The following TMEM165 variants were observed in gnomAD, a reference collection of about 807,000 sequenced individuals.
TMEM165 encodes transmembrane protein 165, also known as putative divalent cation/proton antiporter TMEM165.
TMEM165 carries 19 observed loss-of-function variants against 30.0 expected under a neutral mutation model. The ratio of observed to expected loss-of-function variants is 0.63; its 90% CI spans 0.44 to 0.93. TMEM165 has a LOEUF of 0.93. Among genes scored for constraint, TMEM165 ranks in the 40% least tolerant of loss-of-function variants. The probability of loss-of-function intolerance (pLI) is 0.00; values close to 1 mark genes in which losing one functional copy is unlikely to be tolerated. For synonymous variants in TMEM165, 168 were observed against 162.9 expected (o/e 1.03, Z -0.24); for missense variants, 340 against 417.0 (o/e 0.82, Z 1.61).
At position 55,396,049 on chromosome 4, in the gene TMEM165, T is replaced by G; in HGVS notation, c.-141T>G. The stretch of plus-strand genomic sequence containing the variant: ...TCACCTCACTCCCGCTGCTTGCACC[T>G]CCCGGATGGTGCTGACTGCTCCCTA... On this transcript the variant is annotated 5_prime_UTR_variant, in exon 1 of 6. Coordinates refer to ENST00000381334, the MANE Select transcript of TMEM165 (RefSeq NM_018475.5). The G allele has an allele frequency of 1.7e-6, 1 of 596,258 alleles. No individual in the cohort carries two copies. Among genetic ancestry groups the G allele is most frequent in the Non-Finnish European group, 2.5e-6 (1 of 403,694 alleles). The allele number at this position is 596,258 out of a possible 1,614,324, so 36.9% of individuals were successfully genotyped here.
At chr4:55,416,777 C>G (rs376714761) in intron 2 of TMEM165, 1 of 214,996 alleles carries the variant, frequency 4.7e-6, no homozygotes, top group African/African-American at 2.3e-5. Flanking sequence ...CAGCCTCTGA[C>G]TGAACATGCC....
intron 3 of TMEM165, chr4:55,449,483 C>T (rs1219587099): frequency 6.2e-7 from 1 of 1,613,946 alleles, no homozygotes; most frequent in South Asian, 1.1e-5. Flanking sequence ...CCGTCGGGAT[C>T]TTGGTTGGTG....
chr4:55,397,910 A>T (rs1578225116), intron 1 of TMEM165, among the ~76,000 whole-genome samples: 3 of 147,970 alleles, frequency 2.0e-5, no homozygotes, highest in Admixed American at 6.7e-5. Context: ...ATTTTTGTTT[A>T]TTTTTTTTTT....
intron 1 of TMEM165, chr4:55,399,019 G>A (rs1720846673): frequency 6.6e-6 from 1 of 152,068 alleles, no homozygotes; most frequent in Admixed American, 6.6e-5. Context: ...ACCATTATTG[G>A]ATTGGTGTTG....
At chr4:55,402,435 T>A (rs28709442) in intron 1 of TMEM165, among the ~76,000 whole-genome samples, 123 of 25,512 alleles carry the variant, frequency 4.8e-3, no homozygotes, top group Middle Eastern at 0.045. Flanking sequence ...ATATATATAT[T>A]TTTTTTTTTT....
chr4:55,398,874 A>G (rs1218925241), intron 1 of TMEM165: 2 of 83,652 alleles, frequency 2.4e-5, no homozygotes, highest in African/African-American at 3.3e-5. Flanking sequence ...CTCAACCAGG[A>G]AAAAAAAAAA....
chr4:55,448,601 C>CGCGCGTACGCGCGCGCGCGTGTGTGT (rs764071880), intron 3 of TMEM165, among the ~76,000 whole-genome samples: 1 of 116,980 alleles, frequency 8.5e-6, no homozygotes, highest in Non-Finnish European at 1.8e-5. Flanking sequence ...CGCACGCGCG[C>CGCGCGTACGCGCGCGCGCGTGTGTGT]GTGTGTGTGT....
intron 2 of TMEM165, chr4:55,415,340 T>A (rs1314365855): frequency 6.6e-6 from 1 of 152,206 alleles, no homozygotes; most frequent in Non-Finnish European, 1.5e-5. Context: ...TGAGAGCCTC[T>A]CCAAACTGTG....
At chr4:55,442,228 G>T in intron 3 of TMEM165, 1 of 568,170 alleles carries the variant, frequency 1.8e-6, no homozygotes, top group Non-Finnish European at 3.1e-6. Flanking sequence ...TTTTGGACAA[G>T]AAAAAAAATT....
chr4:55,417,015 G>C, intron 2 of TMEM165, 57 bp from the exon 3 acceptor site: 1 of 1,427,872 alleles, frequency 7.0e-7, no homozygotes, highest in Non-Finnish European at 9.4e-7. Context: ...GAAGTTAACT[G>C]TTCCCTTGGT....
At chr4:55,436,533 T>C (rs1207582427) in intron 3 of TMEM165, among the ~76,000 whole-genome samples, 1 of 152,244 alleles carries the variant, frequency 6.6e-6, no homozygotes, top group Non-Finnish European at 1.5e-5. Flanking sequence ...ACAGTACAAC[T>C]TGATGCAGGG....
intron 3 of TMEM165, among the ~76,000 whole-genome samples, chr4:55,445,324 A>T (rs934179931): frequency 2.0e-5 from 3 of 152,146 alleles, no homozygotes; most frequent in Admixed American, 2.0e-4. Context: ...CCTAGTGGGC[A>T]GCTTCCCTGC....
rs1223832263 is a variant in TMEM165 at position 55,423,106 on chromosome 4, ATTTTAT to A, written c.793-1426_793-1421del. 2.6e-5 allele frequency: 4 copies of A among 151,454 alleles called. No homozygotes were observed. The South Asian group carries it at 6.4e-4, about 24-fold the overall frequency. 9.4% of individuals were successfully genotyped at this position (151,454 alleles called of 1,614,324 possible). On this transcript the variant is annotated intron_variant, in intron 4 of 5. Transcript: ENST00000381334. ...TACATGCATGAACCACTGCACCATT[ATTTTAT>A]TTTTAAGAGACGGGATCTCGCTGTA...
chr4:55,450,248 A>G (rs1264293818), intron 3 of TMEM165: 4 of 1,613,660 alleles, frequency 2.5e-6, no homozygotes, highest in Non-Finnish European at 3.4e-6. Context: ...GAGACAGAGT[A>G]AAATAAATGT....
At chr4:55,450,311 CA>C (rs1013888022) in intron 3 of TMEM165, 4 of 1,563,184 alleles carry the variant, frequency 2.6e-6, no homozygotes, top group East Asian at 4.5e-5. Flanking sequence ...TTAACAACAA[CA>C]AAAAAATCAG....
intron 1 of TMEM165, among the ~76,000 whole-genome samples, chr4:55,404,177 A>G (rs1282559280): frequency 7.1e-6 from 1 of 140,732 alleles, no homozygotes; most frequent in Non-Finnish European, 1.6e-5. Context: ...ACGCCTGGCT[A>G]TTTTTTTTTT....
chr4:55,437,346 A>C (rs1429932187), intron 3 of TMEM165, among the ~76,000 whole-genome samples: 1 of 152,194 alleles, frequency 6.6e-6, no homozygotes, highest in Non-Finnish European at 1.5e-5. Context: ...ACACATACAG[A>C]CTAGCCTACA....
At chr4:55,433,290 TGATATGTTAATTAC>T (rs1336298180) in intron 3 of TMEM165, 2 of 152,642 alleles carry the variant, frequency 1.3e-5, no homozygotes, top group African/African-American at 4.8e-5. Context: ...AAGAGCTCCT[TGATATGTTAATTAC>T]TGATTGATAT....
At chr4:55,414,264 C>T (rs1390071768) in intron 2 of TMEM165, among the ~76,000 whole-genome samples, 7 of 136,632 alleles carry the variant, frequency 5.1e-5, no homozygotes, top group Non-Finnish European at 9.4e-5. Flanking sequence ...AGTGAGACTC[C>T]GTCTCAAAAA....
Sources: gnomAD v4.1 joint callset for allele counts (sites outside exome capture counted in the v4.1 genomes callset) on GRCh38, gnomAD v4.1.1 for gene constraint, MANE v1.5 for transcripts, NCBI Gene and HGNC (gene_info 2026-07-23, HGNC 2026-07-21) for gene names.